Variants in TMEM132D observed in about 807,000 individuals in gnomAD.
The protein encoded by TMEM132D is mature OL transmembrane protein.
Under a neutral mutation model 62.3 loss-of-function variants are expected in TMEM132D, and 21 were observed. The ratio of observed to expected loss-of-function variants is 0.34; its 90% confidence interval spans 0.24 to 0.49. The LOEUF (loss-of-function observed/expected upper bound fraction) is 0.49, where lower values mean the gene tolerates loss of function less well. Ranked by LOEUF, TMEM132D falls within the 20% of genes least tolerant of loss-of-function variation. The probability of loss-of-function intolerance (pLI) is 0.99; values close to 1 mark genes in which losing one functional copy is unlikely to be tolerated. For synonymous variants in TMEM132D, 621 were observed against 575.6 expected (o/e 1.08, Z -1.13); for missense variants, 1,346 against 1,402.8 (o/e 0.96, Z 0.65).
chr12:129,686,157 A>G (rs181740976), intron 2 of TMEM132D, among the ~76,000 whole-genome samples: 1 of 152,264 alleles, frequency 6.6e-6, no homozygotes, highest in African/African-American at 2.4e-5. Flanking sequence ...TATGTTTTGA[A>G]GTGAGAGGAC....
intron 3 of TMEM132D, among the ~76,000 whole-genome samples, chr12:129,437,753 A>G (rs940776930): frequency 2.0e-5 from 3 of 151,088 alleles, no homozygotes; most frequent in Non-Finnish European, 4.4e-5. Context: ...CTTTTTTTAA[A>G]TTATACCTTA....
At chr12:129,209,697 C>G in intron 4 of TMEM132D, 34 bp from the exon 5 acceptor site, 1 of 1,611,814 alleles carries the variant, frequency 6.2e-7, no homozygotes, top group South Asian at 1.1e-5. Flanking sequence ...CATCACATCC[C>G]CTCCTGAGAC....
intron 1 of TMEM132D, among the ~76,000 whole-genome samples, chr12:129,786,357 T>G (rs1366380474): frequency 6.6e-6 from 1 of 151,814 alleles, no homozygotes; most frequent in Non-Finnish European, 1.5e-5. Flanking sequence ...AGTGACCCCA[T>G]AAGGCCCAGT....
At position 129,375,694 on chromosome 12, in the gene TMEM132D, T is replaced by A. The variant is rs988992245; in HGVS notation, c.1116-37877A>T. Among the ~76,000 whole-genome samples, 4 of 152,110 alleles carry A rather than the reference T, an allele frequency of 2.6e-5. No individual in the cohort carries two copies. In the East Asian group the frequency reaches 7.7e-4, roughly 29 times the overall value. ...AATCATACACCAGGACATCAGAACA[T>A]ACAGCAAATATATACCATGACTCAG... On this transcript the variant is annotated intron_variant, in intron 3 of 8. Transcript: ENST00000422113.
chr12:129,166,682 T>TACACAGACACACACACACAC (rs1398709734), intron 5 of TMEM132D, among the ~76,000 whole-genome samples: 1 of 59,790 alleles, frequency 1.7e-5, no homozygotes, highest in African/African-American at 5.1e-5. Flanking sequence ...GACATATATA[T>TACACAGACACACACACACAC]ACACATACAC....
rs1870096563 is a variant in TMEM132D, at chr12:129,754,347, T to C, written c.80-53649A>G. On this transcript the variant is annotated intron_variant, in intron 1 of 8. Coordinates refer to ENST00000422113, the MANE Select transcript of TMEM132D (RefSeq NM_133448.3). ...CCCCCAGTCCAGCATAGCAAGACAA[T>C]CAGAGAGTTGACATGTCTGGATGCT... Among the ~76,000 whole-genome samples, 4 of 152,172 alleles carry C rather than the reference T, an allele frequency of 2.6e-5. 1 individual carries two copies. The South Asian group carries it at 8.3e-4, about 32-fold the overall frequency.
intron 2 of TMEM132D, among the ~76,000 whole-genome samples, chr12:129,564,224 G>T (rs990155767): frequency 5.9e-5 from 9 of 152,128 alleles, no homozygotes; most frequent in African/African-American, 2.2e-4. Flanking sequence ...GGCAGCTCTG[G>T]TCTTAGAATC....
chr12:129,354,054 A>G (rs1478291317), intron 3 of TMEM132D, among the ~76,000 whole-genome samples: 2 of 152,096 alleles, frequency 1.3e-5, no homozygotes, highest in African/African-American at 4.8e-5. Context: ...GATGAAGTCA[A>G]AACTGTTGGC....
chr12:129,843,592 G>A (rs1381297242), intron 1 of TMEM132D, among the ~76,000 whole-genome samples: 2 of 152,140 alleles, frequency 1.3e-5, no homozygotes, highest in African/African-American at 4.8e-5. Flanking sequence ...ATCTCAAGAG[G>A]TGCTGACCTT....
At chr12:129,499,939 A>G (rs1875078890) in intron 3 of TMEM132D, among the ~76,000 whole-genome samples, 1 of 149,684 alleles carries the variant, frequency 6.7e-6, no homozygotes, top group Admixed American at 6.7e-5. Flanking sequence ...TCCAATACAT[A>G]CCCTGAGTGG....
At chr12:129,555,828 A>T (rs1325490649) in intron 2 of TMEM132D, among the ~76,000 whole-genome samples, 1 of 152,182 alleles carries the variant, frequency 6.6e-6, no homozygotes, top group African/African-American at 2.4e-5. Context: ...CTTGGAGAAA[A>T]CCGTAATTGC....
chr12:129,812,704 A>T (rs538801507), intron 1 of TMEM132D, among the ~76,000 whole-genome samples: 5 of 151,802 alleles, frequency 3.3e-5, no homozygotes, highest in African/African-American at 1.2e-4. Context: ...CTATAATGCC[A>T]CAAATTCTTG....
At chr12:129,118,544 A>G (rs75884865) in intron 5 of TMEM132D, among the ~76,000 whole-genome samples, 1 of 152,200 alleles carries the variant, frequency 6.6e-6, no homozygotes, top group Admixed American at 6.5e-5. Flanking sequence ...AAAATGGCAC[A>G]TTTTCTACAA....
At chr12:129,084,313 G>T (rs1315370425) in intron 6 of TMEM132D, among the ~76,000 whole-genome samples, 184 bp downstream of exon 6, 1 of 152,174 alleles carries the variant, frequency 6.6e-6, no homozygotes, top group Non-Finnish European at 1.5e-5. Context: ...GAGGATGAAA[G>T]CCTGGAACCT....
At chr12:129,170,227 A>G (rs1877683912) in intron 5 of TMEM132D, 1 of 152,234 alleles carries the variant, frequency 6.6e-6, no homozygotes, top group South Asian at 2.1e-4. Flanking sequence ...ATAAAAGATG[A>G]TGAGATCTCA....
chr12:129,081,577 C>CCCACCACTTATAAT, intron 7 of TMEM132D, among the ~76,000 whole-genome samples, 182 bp downstream of exon 7: 1 of 152,204 alleles, frequency 6.6e-6, no homozygotes, highest in East Asian at 1.9e-4. Flanking sequence ...GGATTATAAG[C>CCCACCACTTATAAT]GTGAACCACC....
chr12:129,337,306 C>G (rs1300532660), intron 4 of TMEM132D, among the ~76,000 whole-genome samples: 2 of 152,160 alleles, frequency 1.3e-5, no homozygotes, highest in African/African-American at 2.4e-5. Context: ...TCATATGCTA[C>G]AAACACATCT....
chr12:129,270,423 T>C (rs1255220234), intron 4 of TMEM132D, among the ~76,000 whole-genome samples: 3 of 152,190 alleles, frequency 2.0e-5, no homozygotes, highest in Non-Finnish European at 2.9e-5. Flanking sequence ...ATTTGGGAGA[T>C]GACTGTATCG....
chr12:129,531,348 G>T (rs1322304695), intron 2 of TMEM132D, 143 bp from the exon 3 acceptor site: 2 of 994,542 alleles, frequency 2.0e-6, no homozygotes, highest in Admixed American at 6.0e-5. Context: ...ACACAAATTT[G>T]CAGTCGCCTT....
Sources: allele counts gnomAD v4.1 joint callset (sites outside exome capture counted in the v4.1 genomes callset), GRCh38; gene constraint gnomAD v4.1.1; transcripts MANE v1.5; gene names NCBI Gene and HGNC (gene_info 2026-07-23, HGNC 2026-07-21).